The following ANO10 variants were observed in gnomAD, a reference collection of about 807,000 sequenced individuals.
ANO10 encodes the protein anoctamin 10, also known as anoctamin-10.
A neutral mutation model predicts 74.7 loss-of-function variants in ANO10; 77 were observed. The ratio of observed to expected loss-of-function variants is 1.03; its 90% CI spans 0.86 to 1.25. The LOEUF is 1.25. ANO10 is among the 50% of genes most tolerant of loss of function. ANO10 has a pLI of 0.00. For missense variants in ANO10, 721 were observed against 778.1 expected, an observed-to-expected ratio of 0.93 and a Z score of 0.87; for synonymous variants, 279 against 284.9, an observed-to-expected ratio of 0.98 and a Z score of 0.21.
chr3:43,468,499 G>A (rs1023033465), intron 11 of ANO10, among the ~76,000 whole-genome samples: 1 of 152,066 alleles, frequency 6.6e-6, no homozygotes, highest in Non-Finnish European at 1.5e-5. Flanking sequence ...TTCTAGGACT[G>A]TACAAAAAAA....
intron 12 of ANO10, among the ~76,000 whole-genome samples, chr3:43,410,588 T>C (rs1394148197): frequency 6.6e-6 from 1 of 152,222 alleles, no homozygotes; most frequent in Non-Finnish European, 1.5e-5. Context: ...TTTTCTGTGT[T>C]TATATTTTCT....
chr3:43,549,758 A>C lies in ANO10; in HGVS notation c.1759T>G (p.Ser587Ala). Reference sequence around the variant, plus strand: ...ACAATCAAAATGAGGTCTGCTTTTGATTCTGGAAAGACTGCATTCACTTGT... The same window carrying C: ...ACAATCAAAATGAGGTCTGCTTTTGCTTCTGGAAAGACTGCATTCACTTGT... ...SPQVNAVFPE[S>A]KADLILIVVA... Residue 587 changes from serine (S) to alanine (A), a missense_variant, in exon 11 of 13, where the codon TCA becomes GCA. By Grantham distance (99) the Ser-to-Ala change is moderately conservative. Transcript: ENST00000292246. The C allele has an allele frequency of 6.2e-7, 1 of 1,614,058 alleles. No individual in the cohort carries two copies. Among genetic ancestry groups the C allele is most frequent in the Non-Finnish European group, 8.5e-7 (1 of 1,179,946 alleles).
intron 11 of ANO10, among the ~76,000 whole-genome samples, chr3:43,488,407 C>T (rs576847434): frequency 7.2e-4 from 106 of 148,230 alleles, no homozygotes; most frequent in Non-Finnish European, 1.2e-3. Context: ...AGAAAATTTT[C>T]GCAACCTACT....
intron 1 of ANO10, among the ~76,000 whole-genome samples, chr3:43,640,234 A>C (rs1363772186): frequency 6.6e-6 from 1 of 152,228 alleles, no homozygotes; most frequent in Non-Finnish European, 1.5e-5. Context: ...AAAGGTTAAA[A>C]AATATACCCC....
At chr3:43,568,173 G>A (rs896951680) in intron 7 of ANO10, among the ~76,000 whole-genome samples, 1 of 152,134 alleles carries the variant, frequency 6.6e-6, no homozygotes, top group Admixed American at 6.5e-5. Flanking sequence ...GGAGCACCAA[G>A]ATTCATAAAG....
At chr3:43,415,850 A>G (rs11712894) in intron 12 of ANO10, among the ~76,000 whole-genome samples, 28,754 of 152,134 alleles carry the variant, frequency 0.19, 3,208 homozygotes, top group Middle Eastern at 0.36. Flanking sequence ...CCAAAAAATG[A>G]CAATTCTTTA....
At chr3:43,485,083 C>A (rs2076417947) in intron 11 of ANO10, 3 of 1,165,304 alleles carry the variant, frequency 2.6e-6, no homozygotes, top group East Asian at 4.9e-5. Flanking sequence ...GCTTGACAGC[C>A]GGCCGGCGGC....
intron 11 of ANO10, among the ~76,000 whole-genome samples, chr3:43,496,237 A>G (rs1468943923): frequency 6.6e-6 from 1 of 152,196 alleles, no homozygotes; most frequent in Non-Finnish European, 1.5e-5. Context: ...CAGAATGCCT[A>G]CTGACAGGAG....
At chr3:43,628,864 T>C (rs915229768) in intron 1 of ANO10, among the ~76,000 whole-genome samples, 4 of 152,346 alleles carry the variant, frequency 2.6e-5, no homozygotes, top group African/African-American at 9.6e-5. Context: ...TGTCTCCTGA[T>C]AAGATGTTAT....
chr3:43,480,052 G>A (rs1006665929), intron 11 of ANO10, among the ~76,000 whole-genome samples: 10 of 152,150 alleles, frequency 6.6e-5, no homozygotes, highest in Admixed American at 6.6e-4. Flanking sequence ...AGTACAGAAT[G>A]CTATTTTCTA....
In ANO10 at chr3:43,438,446, T is replaced by TA. The variant is rs1177663298; in HGVS notation, c.1798-5720dup. On this transcript the variant is annotated intron_variant, in intron 11 of 12. Coordinates refer to ENST00000292246, the MANE Select transcript of ANO10 (RefSeq NM_018075.5). ...TGACATGGCAGGGCCTTGTCTGTAT[T>TA]AAAAAAAAAAAAATTCAGCCAGGCA... 6.4e-3 allele frequency among the ~76,000 whole-genome samples: 927 copies of TA among 144,340 alleles called. 8 individuals are homozygous for TA. The highest frequency in any genetic ancestry group is 0.021 in the African/African-American group (822 of 39,438). The allele number at this position is 144,340 out of a possible 152,430, so 94.7% of individuals were successfully genotyped here. A position where few individuals can be genotyped will look rare whatever the true frequency, so the allele number is the denominator to read the frequency against.
rs2082313153 is a variant in ANO10 at position 43,600,941 on chromosome 3, T to A, written c.140-360A>T. Among the ~76,000 whole-genome samples the A allele has an allele frequency of 1.3e-5, 2 of 152,246 alleles. 1 individual carries two copies. The highest frequency in any genetic ancestry group is 4.8e-5 in the African/African-American group (2 of 41,550). On this transcript the variant is annotated intron_variant, in intron 2 of 12. Coordinates refer to ENST00000292246, the MANE Select transcript of ANO10 (RefSeq NM_018075.5). ...TAGACGAAAATTTAAGAAAATTAAT[T>A]TGGAACAAAATGTTTCAGTAAAAAG...
In ANO10 at chr3:43,512,249, T is replaced by C. The variant is rs190831764; in HGVS notation, c.1797+37471A>G. ...TGTATTTTCCAGCACTGAGAACAAC[T>C]CTAGGCACAGAAGAAAAGCAAGGTA... On this transcript the variant is annotated intron_variant, in intron 11 of 12. Transcript: ENST00000292246. Among the ~76,000 whole-genome samples the C allele has an allele frequency of 3.9e-5, 6 of 152,250 alleles. No individual in the cohort carries two copies. In the East Asian group the frequency reaches 1.2e-3, roughly 29 times the overall value.
At chr3:43,375,886 T>C in intron 12 of ANO10, among the ~76,000 whole-genome samples, 1 of 152,272 alleles carries the variant, frequency 6.6e-6, no homozygotes, top group East Asian at 1.9e-4. Flanking sequence ...TGTTTGTTTT[T>C]ACAACTTTGT....
At chr3:43,596,422 C>A (rs554054562) in intron 4 of ANO10, among the ~76,000 whole-genome samples, 58 of 152,076 alleles carry the variant, frequency 3.8e-4, no homozygotes, top group Non-Finnish European at 6.2e-4. Flanking sequence ...GAAATATAGA[C>A]CAATGGAACA....
intron 11 of ANO10, among the ~76,000 whole-genome samples, chr3:43,530,697 TATA>T (rs1273397236): frequency 6.6e-6 from 1 of 152,164 alleles, no homozygotes; most frequent in East Asian, 1.9e-4. Flanking sequence ...TAAAGTATAT[TATA>T]ATGATTGTTC....
intron 12 of ANO10, among the ~76,000 whole-genome samples, chr3:43,395,402 T>C (rs2092357726): frequency 6.6e-6 from 1 of 152,232 alleles, no homozygotes; most frequent in African/African-American, 2.4e-5. Flanking sequence ...ATCTCAAATA[T>C]TTTATCTTTT....
chr3:43,670,601 A>G (rs995951943), intron 1 of ANO10, among the ~76,000 whole-genome samples: 4 of 152,174 alleles, frequency 2.6e-5, no homozygotes, highest in Non-Finnish European at 4.4e-5. Context: ...GTCCTAGTGT[A>G]TAACTAATTT....
chr3:43,572,210 A>G lies in ANO10; in HGVS notation c.1218+2599T>C, dbSNP rs568139818. On this transcript the variant is annotated intron_variant, in intron 7 of 12. Transcript: ENST00000292246. ...CTGTCAGTGCCAGGGGAGCCCTGCT[A>G]AATTGGCAAGGGGAAATCAATCAGG... is the stretch of plus-strand genomic sequence containing the variant. 5.3e-5 allele frequency among the ~76,000 whole-genome samples: 8 copies of G among 152,270 alleles called. No individual in the cohort carries two copies. In the East Asian group the frequency reaches 1.2e-3, roughly 22 times the overall value.
Sources: gnomAD v4.1 joint callset for allele counts (sites outside exome capture counted in the v4.1 genomes callset) on GRCh38, gnomAD v4.1.1 for gene constraint, MANE v1.5 for transcripts, NCBI Gene and HGNC (gene_info 2026-07-23, HGNC 2026-07-21) for gene names.